HDAC7: variants seen among roughly 807,000 people sequenced by gnomAD.
The protein encoded by HDAC7 is histone deacetylase 7, also known as histone deacetylase 7A.
HDAC7 carries 26 observed loss-of-function variants against 115.5 expected under a neutral mutation model. The ratio of observed to expected loss-of-function variants is 0.23; its 90% CI spans 0.16 to 0.31. The LOEUF is 0.31. HDAC7 is among the 10% of genes least tolerant of loss of function. The probability of loss-of-function intolerance (pLI) is 1.00; values close to 1 mark genes in which losing one functional copy is unlikely to be tolerated. For synonymous variants in HDAC7, 564 were observed against 550.9 expected (o/e 1.02, Z -0.33); for missense variants, 1,068 against 1,329.0 (o/e 0.80, Z 3.05).
chr12:47,794,471 G>C (rs1031504984), intron 12 of HDAC7, among the ~76,000 whole-genome samples: 4 of 152,200 alleles, frequency 2.6e-5, no homozygotes, highest in Admixed American at 2.6e-4. Flanking sequence ...TACCAGGGCA[G>C]GACTATGTGT....
In HDAC7 at chr12:47,789,244, T is replaced by A. The variant is rs200794417; in HGVS notation, c.2235+17A>T. ...CCAGGGCTCTCGAATTGGAGGGTGC[T>A]ACGGACAGGCACCTACCCAGTCTAC... On this transcript the variant is annotated intron_variant, in intron 19 of 25. Coordinates refer to ENST00000080059, the MANE Select transcript of HDAC7 (RefSeq NM_015401.5). 8 of 1,600,660 alleles carry A rather than the reference T, an allele frequency of 5.0e-6. No homozygotes were observed. In the East Asian group the frequency reaches 1.8e-4, roughly 36 times the overall value.
At chr12:47,813,467 A>G (rs1191457035) in intron 1 of HDAC7, 1 of 152,376 alleles carries the variant, frequency 6.6e-6, no homozygotes, top group Non-Finnish European at 1.5e-5. Flanking sequence ...CAGGAGCCAG[A>G]GCTAGGCTCC....
chr12:47,809,051 C>A (rs1479883136), intron 1 of HDAC7, among the ~76,000 whole-genome samples: 1 of 152,232 alleles, frequency 6.6e-6, no homozygotes, highest in Non-Finnish European at 1.5e-5. Context: ...CTTCATCTCT[C>A]CCCTTCGCCT....
At chr12:47,808,322 C>T (rs1944492215) in intron 1 of HDAC7, among the ~76,000 whole-genome samples, 1 of 152,192 alleles carries the variant, frequency 6.6e-6, no homozygotes, top group African/African-American at 2.4e-5. Context: ...AGTGTCGCCC[C>T]CCCACCCCAC....
chr12:47,798,469 C>T lies in HDAC7; in HGVS notation c.349+93G>A, dbSNP rs532967819. 5.3e-5 allele frequency: 61 copies of T among 1,143,520 alleles called. No homozygotes were observed. Among genetic ancestry groups the T allele is most frequent in the South Asian group, 2.9e-4 (23 of 78,772 alleles). The allele number at this position is 1,143,520 out of a possible 1,614,324, so 70.8% of individuals were successfully genotyped here. ...GCCTCGGCTCAGGCCCAGCTGGCTGCGGCCCTCCCACCTCACCCCTCACAA... is the reference window on the plus strand; with the variant it reads ...GCCTCGGCTCAGGCCCAGCTGGCTGTGGCCCTCCCACCTCACCCCTCACAA... On this transcript the variant is annotated intron_variant, in intron 4 of 25. Coordinates refer to ENST00000080059, the MANE Select transcript of HDAC7 (RefSeq NM_015401.5). The surrounding 1 kb of genome is among the most constrained non-coding windows in gnomAD (Gnocchi z 4.3).
Position 47,798,885 on chromosome 12 carries a change from G to T in HDAC7, c.158C>A (p.Pro53Gln), listed in dbSNP as rs763119286. The change falls in exon 3 of 26, where the codon CCA becomes CAA. Residue 53 changes from proline to glutamine, a missense_variant. By Grantham distance (76) the Pro-to-Gln change is moderately conservative. This residue lies in a region of HDAC7 where 161 missense variants were observed against 158.5 expected (regional missense o/e 1.02). Coordinates refer to ENST00000080059, the MANE Select transcript of HDAC7 (RefSeq NM_015401.5). The surrounding 1 kb of genome is among the most constrained non-coding windows in gnomAD (Gnocchi z 4.3). Reference sequence around the variant, plus strand: ...CAGGGCCAGCAATGTGGGCTCTGGTGGGGGCTCCACTGGGGGCCGCTGGCC... The same window carrying T: ...CAGGGCCAGCAATGTGGGCTCTGGTTGGGGCTCCACTGGGGGCCGCTGGCC... ...RVGQRPPVEP[P>Q]PEPTLLALQR... is the part of the protein sequence containing the mutation. 3.9e-6 allele frequency: 6 copies of T among 1,546,658 alleles called. No homozygotes were observed. The highest frequency in any genetic ancestry group is 2.4e-5 in the East Asian group (1 of 42,538).
intron 24 of HDAC7, chr12:47,784,725 A>G (rs1220695729): frequency 6.5e-7 from 1 of 1,535,412 alleles, no homozygotes; most frequent in East Asian, 2.4e-5. Flanking sequence ...ATGGGTGCCC[A>G]GGCCAGGAGA....
chr12:47,789,529 G>A lies in HDAC7; in HGVS notation c.2141C>T (p.Thr714Ile), dbSNP rs755369860. The A allele has an allele frequency of 5.6e-6, 9 of 1,614,180 alleles. No individual in the cohort carries two copies. The highest frequency in any genetic ancestry group is 7.6e-6 in the Non-Finnish European group (9 of 1,180,004). Residue 714 changes from threonine to isoleucine, a missense_variant, in exon 18 of 26, where the codon ACA becomes ATA. This residue lies in a region of HDAC7 where 182 missense variants were observed against 301.1 expected (regional missense o/e 0.60). Coordinates refer to ENST00000080059, the MANE Select transcript of HDAC7 (RefSeq NM_015401.5). ...GGTCTTCCCTTAGCCTTACATGGCT[G>A]TTGAATGATCTGCATGGTGTCCTGG... ...RPPGHHADHSTAMGFCFFNSV... is the reference protein window; with the variant it reads ...RPPGHHADHSIAMGFCFFNSV...
At chr12:47,796,422 C>CTTTAT in intron 7 of HDAC7, 124 bp from the exon 8 acceptor site, 38 of 566,790 alleles carry the variant, frequency 6.7e-5, no homozygotes, top group Non-Finnish European at 9.9e-5. Flanking sequence ...TTGCTTCCTG[C>CTTTAT]TTTCTTTTTT....
chr12:47,806,985 G>C (rs1944435301), intron 1 of HDAC7, among the ~76,000 whole-genome samples: 1 of 150,878 alleles, frequency 6.6e-6, no homozygotes, highest in Non-Finnish European at 1.5e-5. Context: ...TGTCACCCAG[G>C]CTGGAGTGCA....
chr12:47,787,240 C>CG (rs1565793714), intron 21 of HDAC7, among the ~76,000 whole-genome samples: 4 of 53,158 alleles, frequency 7.5e-5, no homozygotes, highest in Non-Finnish European at 1.5e-4. Flanking sequence ...CTCTTCCAGG[C>CG]CCCCCCCCAG....
At chr12:47,817,687 G>A (rs1312124919) in intron 1 of HDAC7, 1 of 152,272 alleles carries the variant, frequency 6.6e-6, no homozygotes, top group East Asian at 1.9e-4. Context: ...GTGACCCTGG[G>A]CCTTGCATTA....
At position 47,783,493 on chromosome 12, in the gene HDAC7, T is replaced by C. The variant is rs990185923; in HGVS notation, c.*348A>G. On this transcript the variant is annotated 3_prime_UTR_variant, in exon 26 of 26. Coordinates refer to ENST00000080059, the MANE Select transcript of HDAC7 (RefSeq NM_015401.5). ...AGTCTGGGGTTTGCAGAGCCAGGAA[T>C]AGTGGTTAAGGGTGAGCCCGACGGA... 9.9e-5 allele frequency: 30 copies of C among 302,272 alleles called. No individual in the cohort carries two copies. In the South Asian group the frequency reaches 1.0e-3, roughly 10 times the overall value. 18.7% of individuals were successfully genotyped at this position (302,272 alleles called of 1,614,324 possible). A position where few individuals can be genotyped will look rare whatever the true frequency, so the allele number is the denominator to read the frequency against.
At chr12:47,805,097 G>C (rs1415631077) in intron 1 of HDAC7, among the ~76,000 whole-genome samples, 1 of 151,066 alleles carries the variant, frequency 6.6e-6, no homozygotes, top group Non-Finnish European at 1.5e-5. Flanking sequence ...TTGAGGTACG[G>C]TCTTGTTCTG....
At chr12:47,805,343 A>G (rs1260205369) in intron 1 of HDAC7, among the ~76,000 whole-genome samples, 2 of 151,792 alleles carry the variant, frequency 1.3e-5, no homozygotes, top group Non-Finnish European at 2.9e-5. Context: ...CTCATCTTCA[A>G]AGTCTTTGTT....
At chr12:47,802,517 T>C in intron 1 of HDAC7, 1 of 1,549,130 alleles carries the variant, frequency 6.5e-7, no homozygotes, top group Non-Finnish European at 8.7e-7. Flanking sequence ...CTAAATGACT[T>C]GAACTCAGAC....
In HDAC7 at chr12:47,797,893, T is replaced by TGTGTGTGTGA. The variant is rs1555141430; in HGVS notation, c.461+214_461+215insTCACACACAC. Among the ~76,000 whole-genome samples, 2 of 144,524 alleles carry TGTGTGTGTGA rather than the reference T, an allele frequency of 1.4e-5. No homozygotes were observed. Among genetic ancestry groups the TGTGTGTGTGA allele is most frequent in the Admixed American group, 1.4e-4 (2 of 14,724 alleles). The allele number at this position is 144,524 out of a possible 152,430, so 94.8% of individuals were successfully genotyped here. A position where few individuals can be genotyped will look rare whatever the true frequency, so the allele number is the denominator to read the frequency against. On this transcript the variant is annotated intron_variant, in intron 5 of 25. Transcript: ENST00000080059. This position sits in a 1 kb window ranked among gnomAD's most constrained non-coding sequence, Gnocchi z 5.5. ...GTGTGTGTGTGTGTGTGTGTGTGTG[T>TGTGTGTGTGA]GTGAGAAGGGCTCAGGTGGGGTGGG...
rs2136976211 is a variant in HDAC7, at chr12:47,797,228, G to A, written c.578-86C>T. 1.3e-6 allele frequency: 2 copies of A among 1,558,986 alleles called. No individual in the cohort carries two copies. Among genetic ancestry groups the A allele is most frequent in the Admixed American group, 3.6e-5 (2 of 56,122 alleles). On this transcript the variant is annotated intron_variant, in intron 6 of 25. Transcript: ENST00000080059. This position sits in a 1 kb window ranked among gnomAD's most constrained non-coding sequence, Gnocchi z 5.5. ...CCCTCAGTCCCAGTCATCTCTATCG[G>A]TCAAGGAAAGAGAAGGCAGAACTAG...
rs1022688794 is a variant in HDAC7 at position 47,816,876 on chromosome 12, C to G, written c.19+2891G>C. On this transcript the variant is annotated intron_variant, in intron 1 of 25. Transcript: ENST00000080059. ...TCCCCTCTTTCCCTCTCCCTTCCCC[C>G]CAGAAGACGCCAAAGGGCCTTCCCC... Among the ~76,000 whole-genome samples, 6 of 152,290 alleles carry G rather than the reference C, an allele frequency of 3.9e-5. No individual in the cohort carries two copies. The South Asian group carries it at 8.3e-4, about 21-fold the overall frequency.
Sources: allele counts gnomAD v4.1 joint callset (sites outside exome capture counted in the v4.1 genomes callset), GRCh38; gene constraint gnomAD v4.1.1; regional missense constraint gnomAD v4.1.1; non-coding constraint Gnocchi (gnomAD v3.1); transcripts MANE v1.5; gene names NCBI Gene and HGNC (gene_info 2026-07-23, HGNC 2026-07-21).